The following PTPRQ variants were observed in gnomAD, a reference collection of about 807,000 sequenced individuals.
PTPRQ encodes protein tyrosine phosphatase receptor type Q.
Under a neutral mutation model 246.0 loss-of-function variants are expected in PTPRQ, and 199 were observed. The ratio of observed to expected loss-of-function variants is 0.81; its 90% CI spans 0.72 to 0.91. PTPRQ has a LOEUF of 0.91. PTPRQ is among the 40% of genes least tolerant of loss of function. PTPRQ has a pLI of 0.00. For missense variants in PTPRQ, 2,624 were observed against 2,528.4 expected (o/e 1.04, Z -0.81); for synonymous variants, 869 against 853.2 (o/e 1.02, Z -0.32).
chr12:80,488,948 T>C (rs2120629266), intron 9 of PTPRQ, among the ~76,000 whole-genome samples: 1 of 152,186 alleles, frequency 6.6e-6, no homozygotes, highest in Admixed American at 6.6e-5. Flanking sequence ...TATATGTATC[T>C]GATCTATAAC....
At chr12:80,511,035 T>A (rs999378875) in intron 17 of PTPRQ, among the ~76,000 whole-genome samples, 1 of 152,178 alleles carries the variant, frequency 6.6e-6, no homozygotes, top group African/African-American at 2.4e-5. Flanking sequence ...TACTTTGATG[T>A]AATGTAAATC....
intron 17 of PTPRQ, among the ~76,000 whole-genome samples, chr12:80,515,481 C>T (rs1046964774): frequency 5.3e-5 from 8 of 150,858 alleles, no homozygotes; most frequent in South Asian, 2.1e-4. Flanking sequence ...AGAGCAATGG[C>T]GCCATCTTGG....
chr12:80,599,298 T>G (rs970902760), intron 26 of PTPRQ, among the ~76,000 whole-genome samples: 1 of 151,898 alleles, frequency 6.6e-6, no homozygotes, highest in Non-Finnish European at 1.5e-5. Flanking sequence ...AATGAGAGAA[T>G]AAGGATAGAT....
At chr12:80,505,932 G>T (rs1894942878) in intron 14 of PTPRQ, 92 bp from the exon 15 acceptor site, 27 of 1,354,008 alleles carry the variant, frequency 2.0e-5, no homozygotes, top group Non-Finnish European at 2.5e-5. Context: ...AGGTTCAATT[G>T]TAAATAACCT....
rs1271955093 is a variant in PTPRQ, at chr12:80,444,789, T to A, written c.103T>A (p.Ser35Thr). 6 of 1,540,058 alleles carry A rather than the reference T, an allele frequency of 3.9e-6. No homozygotes were observed. Among genetic ancestry groups the A allele is most frequent in the Non-Finnish European group, 5.3e-6 (6 of 1,139,030 alleles). ...TGGTACTAGGTACGATATAACCATC[T>A]CTTCAATTTCTACAACATACACCTC... ...VPGTRYDITI[S>T]SISTTYTSPV... The change falls in exon 2 of 45, where the codon TCT becomes ACT. Residue 35 changes from serine (S) to threonine (T), a missense_variant. Transcript: ENST00000644991.
At chr12:80,606,660 G>A (rs1278226553) in intron 27 of PTPRQ, among the ~76,000 whole-genome samples, 1 of 150,736 alleles carries the variant, frequency 6.6e-6, no homozygotes, top group Non-Finnish European at 1.5e-5. Context: ...ATTTTATTAT[G>A]TCTTTGTAGT....
Position 80,507,865 on chromosome 12 carries a change from G to T in PTPRQ, c.2557+1195G>T, listed in dbSNP as rs1343501833. Among the ~76,000 whole-genome samples, 6 of 152,082 alleles carry T rather than the reference G, an allele frequency of 3.9e-5. No individual in the cohort carries two copies. The South Asian group carries it at 6.2e-4, about 16-fold the overall frequency. ...CAATGGTTAAAAACTAGGGAAGAAAGTTAGTGCTCTTTTCTATCTTATGTA... is the reference window on the plus strand; with the variant it reads ...CAATGGTTAAAAACTAGGGAAGAAATTTAGTGCTCTTTTCTATCTTATGTA... On this transcript the variant is annotated intron_variant, in intron 16 of 44. Coordinates refer to ENST00000644991, the MANE Select transcript of PTPRQ (RefSeq NM_001145026.2).
At chr12:80,595,514 C>T (rs1421058452) in intron 26 of PTPRQ, among the ~76,000 whole-genome samples, 2 of 151,904 alleles carry the variant, frequency 1.3e-5, no homozygotes, top group South Asian at 2.1e-4. Context: ...TGGCCAGTAG[C>T]TTTTCATGTT....
At chr12:80,615,817 G>A (rs750063349) in intron 29 of PTPRQ, among the ~76,000 whole-genome samples, 14 of 150,888 alleles carry the variant, frequency 9.3e-5, no homozygotes, top group East Asian at 7.8e-4. Context: ...AAGGGAGAGC[G>A]TAGATACAGT....
intron 8 of PTPRQ, among the ~76,000 whole-genome samples, chr12:80,473,031 A>ACACACACACACG (rs1893691762): frequency 5.1e-5 from 5 of 97,320 alleles, no homozygotes. Flanking sequence ...ATACACACAC[A>ACACACACACACG]CACACTCACA....
chr12:80,519,120 G>A (rs1195516206), intron 17 of PTPRQ, among the ~76,000 whole-genome samples: 1 of 152,028 alleles, frequency 6.6e-6, no homozygotes, highest in African/African-American at 2.4e-5. Flanking sequence ...ACATCGAATA[G>A]CTTTCCATTT....
rs71094983 is a variant in PTPRQ, at chr12:80,483,987, TTTTGTTTGTTTG to T, written c.1187-422_1187-411del. Among the ~76,000 whole-genome samples the T allele has an allele frequency of 6.1e-3, 916 of 149,330 alleles. 11 individuals carry two copies. The highest frequency in any genetic ancestry group is 0.021 in the African/African-American group (859 of 40,530). ...TTGTCTATTTTCTTTCTTTCTTGTT[TTTTGTTTGTTTG>T]TTTGTTTGTTTGTTTGTTTGTTTTT... On this transcript the variant is annotated intron_variant, in intron 8 of 44. Transcript: ENST00000644991.
chr12:80,620,209 G>A lies in PTPRQ; in HGVS notation c.5445G>A (p.Arg1815=). The A allele has an allele frequency of 6.5e-7, 1 of 1,549,028 alleles. No homozygotes were observed. The highest frequency in any genetic ancestry group is 8.7e-7 in the Non-Finnish European group (1 of 1,145,260). The change falls in exon 32 of 45, where the codon AGG becomes AGA. Residue 1815 remains arginine (R), a synonymous_variant. Coordinates refer to ENST00000644991, the MANE Select transcript of PTPRQ (RefSeq NM_001145026.2). ...ATGATGCATATTTTAATAAAGCAAG[G>A]CCATATTTTACAAATGAAGGCTTTC... The part of the protein sequence containing the change: ...KWYDAYFNKA[R]PYFTNEGFPN...
chr12:80,642,144 G>A (rs559288469), intron 35 of PTPRQ, among the ~76,000 whole-genome samples: 66 of 152,140 alleles, frequency 4.3e-4, no homozygotes, highest in Middle Eastern at 3.4e-3. Flanking sequence ...CTCTACATAC[G>A]TCATACTATT....
intron 8 of PTPRQ, among the ~76,000 whole-genome samples, chr12:80,475,370 AT>A (rs1290550704): frequency 2.0e-5 from 3 of 151,994 alleles, no homozygotes; most frequent in Admixed American, 6.6e-5. Context: ...AAAATGTGAG[AT>A]TTTTTTGGCC....
chr12:80,521,419 A>G (rs1359643100), intron 17 of PTPRQ, among the ~76,000 whole-genome samples: 1 of 152,156 alleles, frequency 6.6e-6, no homozygotes, highest in Non-Finnish European at 1.5e-5. Flanking sequence ...TTTGTGTTTT[A>G]GACATGAAGT....
intron 18 of PTPRQ, 118 bp from the exon 19 acceptor site, chr12:80,534,774 C>G: frequency 7.8e-7 from 1 of 1,288,128 alleles, no homozygotes; most frequent in Non-Finnish European, 1.0e-6. Context: ...CTAATTCAAG[C>G]TTTTTTGAAA....
rs535351524 is a variant in PTPRQ at position 80,616,076 on chromosome 12, GTT to G, written c.5164-121_5164-120del. 890 of 485,740 alleles carry G rather than the reference GTT, an allele frequency of 1.8e-3. 9 individuals carry two copies. The highest frequency in any genetic ancestry group is 0.017 in the African/African-American group (768 of 43,956). 30.1% of individuals were successfully genotyped at this position (485,740 alleles called of 1,614,324 possible). ...TTAAAATTACATGTAACCATAATCA[GTT>G]TTATATATATATATATAACTATATA... is the stretch of plus-strand genomic sequence containing the variant. On this transcript the variant is annotated intron_variant, in intron 29 of 44. Transcript: ENST00000644991.
At position 80,665,210 on chromosome 12, in the gene PTPRQ, T is replaced by C. The variant is rs146299664; in HGVS notation, c.6193-3797T>C. ...CTGAAGTACGTGGAGTCCGATGTTC[T>C]AGGGCAGGAAGCATCCAGCATTTCC... On this transcript the variant is annotated intron_variant, in intron 39 of 44. Coordinates refer to ENST00000644991, the MANE Select transcript of PTPRQ (RefSeq NM_001145026.2). 5.2e-3 allele frequency among the ~76,000 whole-genome samples: 791 copies of C among 152,122 alleles called. 6 individuals carry two copies. Among genetic ancestry groups the C allele is most frequent in the African/African-American group, 0.018 (767 of 41,540 alleles).
Sources: gnomAD v4.1 joint callset for allele counts (sites outside exome capture counted in the v4.1 genomes callset) on GRCh38, gnomAD v4.1.1 for gene constraint, MANE v1.5 for transcripts, NCBI Gene and HGNC (gene_info 2026-07-23, HGNC 2026-07-21) for gene names.